The following SSUH2 variants were observed in gnomAD, a reference collection of about 807,000 sequenced individuals.
SSUH2 encodes ssu-2 homolog.
A neutral mutation model predicts 55.3 loss-of-function variants in SSUH2; 47 were observed. The observed-to-expected ratio is 0.85, with a 90% confidence interval of 0.67 to 1.08. SSUH2 has a LOEUF of 1.08. SSUH2 is among the 50% of genes least tolerant of loss of function. SSUH2 has a pLI of 0.00. For synonymous variants in SSUH2, 212 were observed against 191.5 expected, an observed-to-expected ratio of 1.11 and a Z score of -0.89; for missense variants, 535 against 490.7, an observed-to-expected ratio of 1.09 and a Z score of -0.85.
chr3:8,624,176 G>A (rs1321191533), intron 10 of SSUH2, among the ~76,000 whole-genome samples: 1 of 152,176 alleles, frequency 6.6e-6, no homozygotes, highest in Non-Finnish European at 1.5e-5. Flanking sequence ...AGGCTTGAAA[G>A]CCTTCCACAT....
chr3:8,621,382 G>C (rs796455893), intron 11 of SSUH2, among the ~76,000 whole-genome samples: 25 of 152,304 alleles, frequency 1.6e-4, no homozygotes, highest in African/African-American at 5.8e-4. Context: ...GTGGGGGGCT[G>C]AGGCTGAAGC....
chr3:8,651,723 C>T (rs1702435199), intron 7 of SSUH2, among the ~76,000 whole-genome samples: 2 of 152,170 alleles, frequency 1.3e-5, no homozygotes, highest in South Asian at 4.1e-4. Context: ...TCCTCCATCC[C>T]CTGATGTTAG....
rs566497370 is a variant in SSUH2, at chr3:8,629,451, C to T, written c.588+213G>A. ...GAGAAAATAAGAGAAAAATTAAAAT[C>T]GAACTGTCAAAGTGAAAGTGTCATT... On this transcript the variant is annotated intron_variant, in intron 7 of 11. Transcript: ENST00000544814. The T allele has an allele frequency of 9.8e-5, 56 of 569,870 alleles. No individual in the cohort carries two copies. In the East Asian group the frequency reaches 1.4e-3, roughly 14 times the overall value. 35.3% of individuals were successfully genotyped at this position (569,870 alleles called of 1,614,324 possible).
chr3:8,667,207 T>C (rs1019529059), intron 5 of SSUH2, among the ~76,000 whole-genome samples: 3 of 152,138 alleles, frequency 2.0e-5, no homozygotes, highest in African/African-American at 7.2e-5. Flanking sequence ...AAGGAGTGGA[T>C]TGTTCATGAG....
chr3:8,670,179 G>A (rs547063888), intron 5 of SSUH2, among the ~76,000 whole-genome samples: 1 of 152,070 alleles, frequency 6.6e-6, no homozygotes, highest in African/African-American at 2.4e-5. Context: ...GGATACAACT[G>A]GCCCTGAGAG....
chr3:8,676,124 C>A (rs530103161), intron 3 of SSUH2, among the ~76,000 whole-genome samples: 6 of 152,152 alleles, frequency 3.9e-5, no homozygotes, highest in African/African-American at 1.4e-4. Flanking sequence ...TTAGGATCCA[C>A]GGTGGACTCA....
intron 1 of SSUH2, among the ~76,000 whole-genome samples, chr3:8,636,380 G>A (rs568153424): frequency 1.8e-4 from 27 of 152,020 alleles, no homozygotes; most frequent in Admixed American, 6.6e-4. Flanking sequence ...AGCTATCCCC[G>A]CCAAACCAGC....
intron 7 of SSUH2, among the ~76,000 whole-genome samples, chr3:8,656,382 C>T (rs946891244): frequency 1.3e-5 from 2 of 152,224 alleles, no homozygotes; most frequent in African/African-American, 4.8e-5. Flanking sequence ...CTGCTGCCCG[C>T]CTCCTGGCCA....
In SSUH2 at chr3:8,660,097, G is replaced by A. The variant is rs569604633; in HGVS notation, c.-395-1084C>T. ...CTGCTCCAGTCAGATCCCAGGAGGC[G>A]TGTTAGTTTCCACAGGGACTACACA... is the stretch of plus-strand genomic sequence containing the variant. On this transcript the variant is annotated intron_variant, in intron 6 of 18. Transcript: ENST00000317371. Among the ~76,000 whole-genome samples, 48 of 152,334 alleles carry A rather than the reference G, an allele frequency of 3.2e-4. 1 individual carries two copies. In the South Asian group the frequency reaches 3.9e-3, roughly 12 times the overall value.
At chr3:8,678,890 A>ACGTGG (rs1705680142) in intron 2 of SSUH2, among the ~76,000 whole-genome samples, 4 of 101,700 alleles carry the variant, frequency 3.9e-5, no homozygotes, top group African/African-American at 1.4e-4. Flanking sequence ...CCCCATTGCA[A>ACGTGG]GGGAGGGAGG....
chr3:8,670,073 A>G (rs1244528824), intron 5 of SSUH2, among the ~76,000 whole-genome samples: 2 of 151,740 alleles, frequency 1.3e-5, no homozygotes, highest in Non-Finnish European at 2.9e-5. Flanking sequence ...CCTCCGCAAG[A>G]CAAGCATATC....
chr3:8,625,027 T>C (rs1438098766), intron 10 of SSUH2, among the ~76,000 whole-genome samples: 1 of 151,996 alleles, frequency 6.6e-6, no homozygotes, highest in Non-Finnish European at 1.5e-5. Flanking sequence ...CCCTGCCCCT[T>C]ACCCTGCTTG....
chr3:8,638,240 G>A (rs1346504459), intron 1 of SSUH2, among the ~76,000 whole-genome samples: 1 of 152,142 alleles, frequency 6.6e-6, no homozygotes, highest in Admixed American at 6.5e-5. Context: ...CTGTAGCCCT[G>A]AAATACATGG....
At chr3:8,634,005 AG>A in intron 3 of SSUH2, 1 of 1,536,702 alleles carries the variant, frequency 6.5e-7, no homozygotes, top group Non-Finnish European at 8.8e-7. Flanking sequence ...CCTAGAGAAC[AG>A]CCAAAAACAC....
chr3:8,629,478 G>A, intron 7 of SSUH2, 186 bp downstream of exon 7: 1 of 596,316 alleles, frequency 1.7e-6, no homozygotes, highest in Admixed American at 3.0e-5. Flanking sequence ...AGTGTCATTA[G>A]AGACCACACA....
upstream of SSUH2, among the ~76,000 whole-genome samples, chr3:8,647,749 C>T (rs555907795): frequency 2.0e-3 from 306 of 152,316 alleles, 3 homozygotes; most frequent in African/African-American, 6.8e-3. Flanking sequence ...ACAACCCAAC[C>T]GAACCCAGAG....
rs1425332310 is a variant in SSUH2, at chr3:8,659,266, C to T, written c.-395-253G>A. 7.9e-5 allele frequency among the ~76,000 whole-genome samples: 12 copies of T among 152,148 alleles called. No homozygotes were observed. The East Asian group carries it at 2.3e-3, about 29-fold the overall frequency. ...CAGTGGTTTTCTGGTGTCATTTCTC[C>T]CACCTTAATTGCCTCCTCTCTTCTT... is the stretch of plus-strand genomic sequence containing the variant. On this transcript the variant is annotated intron_variant, in intron 6 of 18. Transcript: ENST00000317371.
intron 1 of SSUH2, among the ~76,000 whole-genome samples, chr3:8,636,605 C>T (rs1402587108): frequency 2.0e-5 from 3 of 152,118 alleles, no homozygotes; most frequent in Non-Finnish European, 4.4e-5. Flanking sequence ...AATCTTTGCT[C>T]TGGGATTCCC....
chr3:8,636,220 A>T (rs1277708804), intron 1 of SSUH2, among the ~76,000 whole-genome samples: 2 of 152,196 alleles, frequency 1.3e-5, no homozygotes, highest in East Asian at 3.9e-4. Context: ...CCAAGAGAAC[A>T]CAGTGGAAGC....
Sources: allele counts gnomAD v4.1 joint callset (sites outside exome capture counted in the v4.1 genomes callset), GRCh38; gene constraint gnomAD v4.1.1; transcripts MANE v1.5; gene names NCBI Gene and HGNC (gene_info 2026-07-23, HGNC 2026-07-21).